PIEZO2: variants seen among roughly 807,000 people sequenced by gnomAD.
The protein encoded by PIEZO2 is piezo-type mechanosensitive ion channel component 2.
PIEZO2 carries 172 observed loss-of-function variants against 337.3 expected under a neutral mutation model. The ratio of observed to expected loss-of-function variants is 0.51; its 90% CI spans 0.45 to 0.58. PIEZO2 has a LOEUF of 0.58. PIEZO2 is among the 20% of genes least tolerant of loss of function. The pLI is 0.00. For missense variants in PIEZO2, 3,028 were observed against 3,391.3 expected (o/e 0.89, Z 2.66); for synonymous variants, 1,251 against 1,228.5 (o/e 1.02, Z -0.38).
chr18:10,972,676 G>C (rs1568254773), intron 3 of PIEZO2, among the ~76,000 whole-genome samples: 1 of 152,166 alleles, frequency 6.6e-6, no homozygotes, highest in African/African-American at 2.4e-5. Context: ...CTATCATAGA[G>C]AATGATTTGG....
chr18:10,741,254 A>G (rs967243495), intron 32 of PIEZO2, among the ~76,000 whole-genome samples, 152 bp from the exon 33 acceptor site: 1 of 152,360 alleles, frequency 6.6e-6, no homozygotes, highest in Non-Finnish European at 1.5e-5. Flanking sequence ...TGAAAAATAT[A>G]CATGTATTAA....
chr18:10,858,005 C>CT (rs113821994), intron 5 of PIEZO2, among the ~76,000 whole-genome samples: 2,062 of 138,912 alleles, frequency 0.015, 44 homozygotes, highest in African/African-American at 0.049. Flanking sequence ...TTCTTTCTTT[C>CT]TTTTTTTTTT....
intron 36 of PIEZO2, among the ~76,000 whole-genome samples, 191 bp downstream of exon 36, chr18:10,731,216 T>G (rs2036769562): frequency 7.1e-6 from 1 of 139,970 alleles, no homozygotes. Context: ...TATATATATA[T>G]ATCTCCTAAC....
At chr18:10,758,157 A>G (rs1598439762) in intron 26 of PIEZO2, 23 bp from the exon 27 acceptor site, 1 of 1,534,696 alleles carries the variant, frequency 6.5e-7, no homozygotes, top group Non-Finnish European at 8.7e-7. Context: ...AGGTGAGATC[A>G]TTAAGCCGCC....
chr18:11,067,373 C>T (rs1250648886), intron 1 of PIEZO2, among the ~76,000 whole-genome samples: 1 of 151,988 alleles, frequency 6.6e-6, no homozygotes, highest in Admixed American at 6.5e-5. Flanking sequence ...GCAAATGTAA[C>T]CATACTTTCT....
intron 7 of PIEZO2, among the ~76,000 whole-genome samples, chr18:10,845,593 G>A (rs564752727): frequency 1.1e-4 from 17 of 152,206 alleles, no homozygotes; most frequent in Admixed American, 8.5e-4. Context: ...GGTAGCCCTC[G>A]GGCACACTGT....
Position 10,689,013 on chromosome 18 carries a change from A to G in PIEZO2, c.7497+642T>C, listed in dbSNP as rs111453607. 2.1e-3 allele frequency among the ~76,000 whole-genome samples: 322 copies of G among 152,318 alleles called. 4 individuals carry two copies. Among genetic ancestry groups the G allele is most frequent in the African/African-American group, 7.4e-3 (307 of 41,576 alleles). On this transcript the variant is annotated intron_variant, in intron 49 of 55. Transcript: ENST00000674853. ...ATTCCCAGGGAAAGCTGCAGAACACACCAGGAATCATACAGAGGAGCCTTT... is the reference window on the plus strand; with the variant it reads ...ATTCCCAGGGAAAGCTGCAGAACACGCCAGGAATCATACAGAGGAGCCTTT...
intron 2 of PIEZO2, among the ~76,000 whole-genome samples, chr18:11,049,602 C>T (rs185355990): frequency 6.6e-6 from 1 of 152,274 alleles, no homozygotes; most frequent in Non-Finnish European, 1.5e-5. Context: ...TCATAATTCC[C>T]ACATGTTGTG....
intron 48 of PIEZO2, 39 bp from the exon 49 acceptor site, chr18:10,689,841 G>A (rs2034722495): frequency 6.4e-7 from 1 of 1,572,978 alleles, no homozygotes. Flanking sequence ...ACATTCGTGG[G>A]TGGCCCCCAC....
intron 3 of PIEZO2, among the ~76,000 whole-genome samples, chr18:10,920,673 C>T (rs534449636): frequency 7.2e-5 from 11 of 152,114 alleles, no homozygotes; most frequent in Admixed American, 3.9e-4. Context: ...AGACACAAGA[C>T]GGCCAATCAT....
In PIEZO2 at chr18:11,092,446, C is replaced by T. The variant is rs563754372; in HGVS notation, c.65-26224G>A. On this transcript the variant is annotated intron_variant, in intron 1 of 55. Transcript: ENST00000674853. This position sits in a 1 kb window ranked among gnomAD's most constrained non-coding sequence, Gnocchi z 4.5. ...TTTGAAAAAAGCTATAGTAAGAAGA[C>T]ATAACAGCAGTAATTATCACTCCAT... is the stretch of plus-strand genomic sequence containing the variant. Among the ~76,000 whole-genome samples the T allele has an allele frequency of 6.6e-6, 1 of 152,272 alleles. No homozygotes were observed. Among genetic ancestry groups the T allele is most frequent in the East Asian group, 1.9e-4 (1 of 5,184 alleles).
At chr18:10,961,074 G>T (rs182668953) in intron 3 of PIEZO2, among the ~76,000 whole-genome samples, 1 of 152,000 alleles carries the variant, frequency 6.6e-6, no homozygotes, top group African/African-American at 2.4e-5. Context: ...CCAGCTACTC[G>T]GGAGGCTGAG....
chr18:11,076,782 A>G (rs1020480197), intron 1 of PIEZO2, among the ~76,000 whole-genome samples: 10 of 152,252 alleles, frequency 6.6e-5, no homozygotes, highest in Admixed American at 6.5e-4. Flanking sequence ...TATTAATAAC[A>G]GTATTAAAAG....
chr18:10,773,316 G>T lies in PIEZO2; in HGVS notation c.2785+96C>A. On this transcript the variant is annotated intron_variant, in intron 20 of 55. Coordinates refer to ENST00000674853, the MANE Select transcript of PIEZO2 (RefSeq NM_001378183.1). This position sits in a 1 kb window ranked among gnomAD's most constrained non-coding sequence, Gnocchi z 5.3. ...ACTCCAATTTTTATGTCATGGACTG[G>T]GTCAAATATATATTCTTTTGGAGCA... is the stretch of plus-strand genomic sequence containing the variant. 1 of 1,256,422 alleles carries T rather than the reference G, an allele frequency of 8.0e-7. No homozygotes were observed. The highest frequency in any genetic ancestry group is 1.1e-6 in the Non-Finnish European group (1 of 900,690). The allele number at this position is 1,256,422 out of a possible 1,614,324, so 77.8% of individuals were successfully genotyped here. A position where few individuals can be genotyped will look rare whatever the true frequency, so the allele number is the denominator to read the frequency against.
At position 10,709,797 on chromosome 18, in the gene PIEZO2, CAG is replaced by C. The variant is rs575222458; in HGVS notation, c.5424-1360_5424-1359del. Among the ~76,000 whole-genome samples the C allele has an allele frequency of 4.2e-3, 637 of 152,376 alleles. 6 individuals carry two copies. The highest frequency in any genetic ancestry group is 0.015 in the African/African-American group (611 of 41,578). On this transcript the variant is annotated intron_variant, in intron 39 of 55. Coordinates refer to ENST00000674853, the MANE Select transcript of PIEZO2 (RefSeq NM_001378183.1). ...GCATGTTACAGCTATGTGACCAAGA[CAG>C]GGGCAGCCAGTGAGGGCGATAAGCC... is the stretch of plus-strand genomic sequence containing the variant.
intron 7 of PIEZO2, among the ~76,000 whole-genome samples, chr18:10,840,156 A>ATATATTC (rs2041146707): frequency 6.6e-6 from 1 of 152,230 alleles, no homozygotes; most frequent in Non-Finnish European, 1.5e-5. Context: ...TTAATGTGTA[A>ATATATTC]CATGTACCAT....
rs150292725 is a variant in PIEZO2, at chr18:10,954,772, G to A, written c.286+24763C>T. Among the ~76,000 whole-genome samples, 8 of 152,300 alleles carry A rather than the reference G, an allele frequency of 5.3e-5. No homozygotes were observed. The East Asian group carries it at 1.2e-3, about 22-fold the overall frequency. ...GGAGACCAGGAGGACCTGAAGCAAC[G>A]CATGAGAAGCATCTGACGCTAAAGA... On this transcript the variant is annotated intron_variant, in intron 3 of 55. Coordinates refer to ENST00000674853, the MANE Select transcript of PIEZO2 (RefSeq NM_001378183.1). This position sits in a 1 kb window ranked among gnomAD's most constrained non-coding sequence, Gnocchi z 4.2.
chr18:10,773,605 G>C lies in PIEZO2; in HGVS notation c.2592C>G (p.Leu864=), dbSNP rs1375713876. Residue 864 remains leucine, a synonymous_variant, in exon 20 of 56, where the codon CTC becomes CTG. Transcript: ENST00000674853. The surrounding 1 kb of genome is among the most constrained non-coding windows in gnomAD (Gnocchi z 5.3). ...QNELAHPEGS[L]PDLTMMHLTA... is the part of the protein sequence containing the mutation. ...TCAGATGCATCATGGTGAGGTCCGGGAGGCTTCCTTCCGGGTGGGCCAGTC... is the reference window on the plus strand; with the variant it reads ...TCAGATGCATCATGGTGAGGTCCGGCAGGCTTCCTTCCGGGTGGGCCAGTC... 6.5e-7 allele frequency: 1 copy of C among 1,537,228 alleles called. No individual in the cohort carries two copies. Among genetic ancestry groups the C allele is most frequent in the African/African-American group, 1.4e-5 (1 of 73,054 alleles).
In PIEZO2 at chr18:10,671,268, G is replaced by T; in HGVS notation, c.*259C>A. The T allele has an allele frequency of 5.9e-6, 2 of 337,258 alleles. No individual in the cohort carries two copies. Among genetic ancestry groups the T allele is most frequent in the South Asian group, 4.1e-5 (1 of 24,288 alleles). 20.9% of individuals were successfully genotyped at this position (337,258 alleles called of 1,614,324 possible). A position where few individuals can be genotyped will look rare whatever the true frequency, so the allele number is the denominator to read the frequency against. ...AATGATTCCTTCACATGATCAATCA[G>T]AATGCGAGACACTGTTGACTAAAAC... On this transcript the variant is annotated 3_prime_UTR_variant, in exon 56 of 56. Transcript: ENST00000674853.
Sources: gnomAD v4.1 joint callset for allele counts (sites outside exome capture counted in the v4.1 genomes callset) on GRCh38, gnomAD v4.1.1 for gene constraint, Gnocchi (gnomAD v3.1) non-coding constraint, MANE v1.5 for transcripts, NCBI Gene and HGNC (gene_info 2026-07-23, HGNC 2026-07-21) for gene names.